The following LARP7 variants were observed in gnomAD, a reference collection of about 807,000 sequenced individuals.
The protein encoded by LARP7 is La ribonucleoprotein 7, transcriptional regulator.
Under a neutral mutation model 69.3 loss-of-function variants are expected in LARP7, and 52 were observed. The observed-to-expected ratio is 0.75, with a 90% CI of 0.60 to 0.95. LARP7 has a LOEUF of 0.95. Among genes scored for constraint, LARP7 ranks in the 40% least tolerant of loss-of-function variants. The probability of loss-of-function intolerance (pLI) is 0.00; values close to 1 mark genes in which losing one functional copy is unlikely to be tolerated. For missense variants in LARP7, 733 were observed against 673.0 expected, an observed-to-expected ratio of 1.09 and a Z score of -0.99; for synonymous variants, 254 against 215.9, an observed-to-expected ratio of 1.18 and a Z score of -1.55.
Position 112,646,902 on chromosome 4 carries a change from G to A in LARP7, c.499G>A (p.Gly167Arg). ...TTATAAGTCTACTGGAGATCCAAAG[G>A]GATTTGCGTTTGTGGAATTTGAAAC... ...PHYKSTGDPK[G>R]FAFVEFETKE... Residue 167 changes from glycine to arginine, a missense_variant, in exon 5 of 13, where the codon GGA becomes AGA. Coordinates refer to ENST00000344442, the MANE Select transcript of LARP7 (RefSeq NM_016648.4). 6.2e-7 allele frequency: 1 copy of A among 1,609,732 alleles called. No homozygotes were observed. Among genetic ancestry groups the A allele is most frequent in the Non-Finnish European group, 8.5e-7 (1 of 1,179,190 alleles).
intron 12 of LARP7, 46 bp downstream of exon 12, chr4:112,654,205 G>A (rs375653854): frequency 1.2e-4 from 163 of 1,358,562 alleles, no homozygotes; most frequent in Non-Finnish European, 1.6e-4. Flanking sequence ...TTCCTTGAAC[G>A]TTTAATGCCA....
chr4:112,644,675 A>T lies in LARP7; in HGVS notation c.6A>T (p.Glu2Asp), dbSNP rs1350230828. 1 of 1,600,406 alleles carries T rather than the reference A, an allele frequency of 6.2e-7. No individual in the cohort carries two copies. The highest frequency in any genetic ancestry group is 2.2e-5 in the East Asian group (1 of 44,600). Reference sequence around the variant, plus strand: ...TTTTCTTGTAATTCACAGGAATGGAAACTGAAAGTGGAAATCAGGAAAAGG... The same window carrying T: ...TTTTCTTGTAATTCACAGGAATGGATACTGAAAGTGGAAATCAGGAAAAGG... M[E>D]TESGNQEKVM... Residue 2 changes from glutamate (E) to aspartate (D), a missense_variant, in exon 2 of 13, where the codon GAA becomes GAT. Physicochemically the swap from Glu to Asp is conservative, Grantham distance 45 (BLOSUM62 2). Coordinates refer to ENST00000344442, the MANE Select transcript of LARP7 (RefSeq NM_016648.4).
Position 112,637,214 on chromosome 4 carries a change from A to G in LARP7, c.-28A>G, listed in dbSNP as rs2047689741. On this transcript the variant is annotated 5_prime_UTR_variant, in exon 1 of 13. It removes the in-frame stop codon of an upstream open reading frame in the 5' UTR. Coordinates refer to ENST00000344442, the MANE Select transcript of LARP7 (RefSeq NM_016648.4). ...AAATGTCCGAAGGCCGCAGTACTTGACCCTGTATTTTGGGAGTCGAACGGA... is the reference window on the plus strand; with the variant it reads ...AAATGTCCGAAGGCCGCAGTACTTGGCCCTGTATTTTGGGAGTCGAACGGA... The G allele has an allele frequency of 6.6e-6, 1 of 152,114 alleles. No individual in the cohort carries two copies. The highest frequency in any genetic ancestry group is 1.5e-5 in the Non-Finnish European group (1 of 68,030). The allele number at this position is 152,114 out of a possible 1,614,324, so 9.4% of individuals were successfully genotyped here. A position where few individuals can be genotyped will look rare whatever the true frequency, so the allele number is the denominator to read the frequency against.
intron 8 of LARP7, chr4:112,648,830 G>T: frequency 5.3e-6 from 1 of 190,208 alleles, no homozygotes; most frequent in Non-Finnish European, 1.1e-5. Flanking sequence ...GGGAATGTAT[G>T]ATCCTGGGTG....
chr4:112,648,585 T>A, intron 8 of LARP7: 1 of 503,664 alleles, frequency 2.0e-6, no homozygotes, highest in Non-Finnish European at 4.1e-6. Flanking sequence ...TCTTTGGACT[T>A]CAGAGTATTT....
intron 12 of LARP7, among the ~76,000 whole-genome samples, chr4:112,655,966 G>C (rs962158096): frequency 6.6e-6 from 1 of 152,046 alleles, no homozygotes; most frequent in African/African-American, 2.4e-5. Flanking sequence ...AATGGAAATT[G>C]CTTAGAAAAA....
In LARP7 at chr4:112,648,227, A is replaced by G. The variant is rs1014873419; in HGVS notation, c.1142+393A>G. On this transcript the variant is annotated intron_variant, in intron 8 of 12. Transcript: ENST00000344442. ...GCACTTACTTCTTTAGTTTCAAAGC[A>G]AGTACATCCACGTTTAAGTGGTGGG... 4 of 532,770 alleles carry G rather than the reference A, an allele frequency of 7.5e-6. No individual in the cohort carries two copies. In the African/African-American group the frequency reaches 7.7e-5, roughly 10 times the overall value. The allele number at this position is 532,770 out of a possible 1,614,324, so 33.0% of individuals were successfully genotyped here. A position where few individuals can be genotyped will look rare whatever the true frequency, so the allele number is the denominator to read the frequency against.
At position 112,650,566 on chromosome 4, in the gene LARP7, G is replaced by A; in HGVS notation, c.1400G>A (p.Gly467Asp). Residue 467 changes from glycine to aspartate, a missense_variant, in exon 10 of 13, where the codon GGC becomes GAC. Gly to Asp is a moderately conservative substitution (Grantham distance 94). Transcript: ENST00000344442. ...ATCATTAGCACAGAGCCTCTACCTGGCAGGAAACAAGTCCGGGTAATGATT... is the reference window on the plus strand; with the variant it reads ...ATCATTAGCACAGAGCCTCTACCTGACAGGAAACAAGTCCGGGTAATGATT... ...VKIISTEPLPGRKQVRDTLAA... is the reference protein window; with the variant it reads ...VKIISTEPLPDRKQVRDTLAA... The A allele has an allele frequency of 6.2e-7, 1 of 1,613,384 alleles. No individual in the cohort carries two copies. Among genetic ancestry groups the A allele is most frequent in the Non-Finnish European group, 8.5e-7 (1 of 1,179,574 alleles).
In LARP7 at chr4:112,647,473, T is replaced by A. The variant is rs754365322; in HGVS notation, c.921T>A (p.Ala307=). Reference sequence around the variant, plus strand: ...GCTCTGAAGATGCAGAATCCCTAGCTCCCCGATCAAAAGTAAAGAAAATTA... The same window carrying A: ...GCTCTGAAGATGCAGAATCCCTAGCACCCCGATCAAAAGTAAAGAAAATTA... ...RSSSEDAESL[A]PRSKVKKIIQ... The change falls in exon 7 of 13, where the codon GCT becomes GCA. Residue 307 remains alanine (A), a synonymous_variant. Coordinates refer to ENST00000344442, the MANE Select transcript of LARP7 (RefSeq NM_016648.4). The A allele has an allele frequency of 1.9e-6, 3 of 1,613,564 alleles. No individual in the cohort carries two copies. The highest frequency in any genetic ancestry group is 2.5e-6 in the Non-Finnish European group (3 of 1,179,836).
In LARP7 at chr4:112,657,243, T is replaced by G; in HGVS notation, c.1669-4T>G. On this transcript the variant is annotated splice_region_variant and splice_polypyrimidine_tract_variant and intron_variant, in intron 12 of 12. Coordinates refer to ENST00000344442, the MANE Select transcript of LARP7 (RefSeq NM_016648.4). Reference sequence around the variant, plus strand: ...ATTTTAATTTTTGATTTATTTCTCTTTAGTTAATCACCAAAGCTGAAAAGA... The same window carrying G: ...ATTTTAATTTTTGATTTATTTCTCTGTAGTTAATCACCAAAGCTGAAAAGA... 6.5e-7 allele frequency: 1 copy of G among 1,538,886 alleles called. No homozygotes were observed. The highest frequency in any genetic ancestry group is 8.9e-7 in the Non-Finnish European group (1 of 1,124,864).
chr4:112,651,417 T>C (rs2048729855), intron 10 of LARP7, among the ~76,000 whole-genome samples: 1 of 152,116 alleles, frequency 6.6e-6, no homozygotes, highest in Non-Finnish European at 1.5e-5. Context: ...TGGTGAAGGA[T>C]TTGGCCAAAT....
At chr4:112,653,008 TG>T (rs1161757170) in intron 10 of LARP7, 68 bp from the exon 11 acceptor site, 1 of 1,226,574 alleles carries the variant, frequency 8.2e-7, no homozygotes, top group African/African-American at 1.5e-5. Context: ...GCATAACCAT[TG>T]GAATAGTTTT....
In LARP7 at chr4:112,653,190, T is replaced by C. The variant is rs142973597; in HGVS notation, c.1530T>C (p.Tyr510=). 2.2e-4 allele frequency: 352 copies of C among 1,603,448 alleles called. No individual in the cohort carries two copies. In the African/African-American group the frequency reaches 4.3e-3, roughly 20 times the overall value. Residue 510 remains tyrosine, a synonymous_variant, in exon 11 of 13, where the codon TAT becomes TAC. Transcript: ENST00000344442. Reference sequence around the variant, plus strand: ...ATGCTCAAGCAGTAATAAATGCCTATACAGAAATTAACAAGAAACACTGCT... The same window carrying C: ...ATGCTCAAGCAGTAATAAATGCCTACACAGAAATTAACAAGAAACACTGCT... ...PEDAQAVINA[Y]TEINKKHCWK...
Position 112,637,180 on chromosome 4 carries a change from CG to C in LARP7, c.-60del, listed in dbSNP as rs1312066397. The C allele has an allele frequency of 6.6e-6, 1 of 152,182 alleles. No homozygotes were observed. Among genetic ancestry groups the C allele is most frequent in the Non-Finnish European group, 1.5e-5 (1 of 68,056 alleles). The allele number at this position is 152,182 out of a possible 1,614,324, so 9.4% of individuals were successfully genotyped here. On this transcript the variant is annotated 5_prime_UTR_variant, in exon 1 of 13. Coordinates refer to ENST00000344442, the MANE Select transcript of LARP7 (RefSeq NM_016648.4). The stretch of plus-strand genomic sequence containing the variant: ...GAAAGTAACCGAGACTATCAGGATC[CG>C]GAGACGGAAATGTCCGAAGGCCGCA...
chr4:112,655,793 A>T (rs2048930001), intron 12 of LARP7, among the ~76,000 whole-genome samples: 1 of 152,194 alleles, frequency 6.6e-6, no homozygotes, highest in African/African-American at 2.4e-5. Flanking sequence ...TGCAAAGGTT[A>T]TGTTACAGCC....
In LARP7 at chr4:112,650,482, G is replaced by T; in HGVS notation, c.1316G>T (p.Arg439Leu). 1 of 1,613,612 alleles carries T rather than the reference G, an allele frequency of 6.2e-7. No individual in the cohort carries two copies. The highest frequency in any genetic ancestry group is 8.5e-7 in the Non-Finnish European group (1 of 1,179,688). The change falls in exon 10 of 13, where the codon CGC (arginine) becomes CTC (leucine). Residue 439 changes from arginine to leucine, a missense_variant. Arg to Leu is a moderately radical substitution (Grantham distance 102). Coordinates refer to ENST00000344442, the MANE Select transcript of LARP7 (RefSeq NM_016648.4). Reference sequence around the variant, plus strand: ...TCAGCAGCCAACAGGGAAGAGTGTCGCACCCAGGAGAAAGTTAATGCAACA... The same window carrying T: ...TCAGCAGCCAACAGGGAAGAGTGTCTCACCCAGGAGAAAGTTAATGCAACA... ...NEKTANREEC[R>L]TQEKVNATGP...
rs373102386 is a variant in LARP7, at chr4:112,653,119, C to T, written c.1459C>T (p.Leu487=). 50 of 1,607,566 alleles carry T rather than the reference C, an allele frequency of 3.1e-5. No individual in the cohort carries two copies. The highest frequency in any genetic ancestry group is 3.4e-5 in the Non-Finnish European group (40 of 1,177,408). The change falls in exon 11 of 13, where the codon CTA becomes TTA. Residue 487 remains leucine (L), a synonymous_variant. Coordinates refer to ENST00000344442, the MANE Select transcript of LARP7 (RefSeq NM_016648.4). The stretch of plus-strand genomic sequence containing the variant: ...CTCAGAAGTTCTTTATGTTGATTTG[C>T]TAGAAGGGGATACAGAATGCCATGC... The part of the protein sequence containing the change: ...AISEVLYVDL[L]EGDTECHARF...
intron 1 of LARP7, among the ~76,000 whole-genome samples, chr4:112,641,262 T>A (rs940418891): frequency 6.6e-6 from 1 of 152,060 alleles, no homozygotes; most frequent in African/African-American, 2.4e-5. Flanking sequence ...TGGTGGCACA[T>A]GCCTATAGTC....
In LARP7 at chr4:112,649,556, A is replaced by G; in HGVS notation, c.1164A>G (p.Lys388=). Residue 388 remains lysine (K), a synonymous_variant, in exon 9 of 13, where the codon AAA becomes AAG. Coordinates refer to ENST00000344442, the MANE Select transcript of LARP7 (RefSeq NM_016648.4). ...GTAGGAGCGAATGGATGGATTTGAA[A>G]AAAGAGTATTTAGCGCTACAAAAAG... ...VLSKSEWMDL[K]KEYLALQKAS... 6.2e-7 allele frequency: 1 copy of G among 1,601,894 alleles called. No homozygotes were observed. Among genetic ancestry groups the G allele is most frequent in the Non-Finnish European group, 8.5e-7 (1 of 1,174,970 alleles).
Sources: allele counts gnomAD v4.1 joint callset (sites outside exome capture counted in the v4.1 genomes callset), GRCh38; gene constraint gnomAD v4.1.1; transcripts MANE v1.5; gene names NCBI Gene and HGNC (gene_info 2026-07-23, HGNC 2026-07-21).